Variants in TBX4 observed in about 807,000 individuals in gnomAD.
TBX4 encodes T-box transcription factor 4.
Under a neutral mutation model 54.6 loss-of-function variants are expected in TBX4, and 13 were observed. That is an observed-to-expected ratio of 0.24 (90% confidence interval 0.15 to 0.38). The LOEUF (loss-of-function observed/expected upper bound fraction) is 0.38, where lower values mean the gene tolerates loss of function less well. TBX4 is among the 10% of genes least tolerant of loss of function. The pLI is 1.00. For missense variants in TBX4, 631 were observed against 728.5 expected (o/e 0.87, Z 1.54); for synonymous variants, 314 against 306.7 (o/e 1.02, Z -0.25).
At position 61,456,542 on chromosome 17, in the gene TBX4, GGCCCAGCGCTCGGAGAGGCCA is replaced by G. The variant is rs1456954040; in HGVS notation, c.55_75del (p.Pro19_Ser25del). The G allele has an allele frequency of 1.1e-5, 17 of 1,557,238 alleles. No homozygotes were observed. Among genetic ancestry groups the G allele is most frequent in the Non-Finnish European group, 1.5e-5 (17 of 1,151,162 alleles). ...GAGCGAGGAGGCCTTCCGGGCCCCG[GGCCCAGCGCTCGGAGAGGCCA>G]GCGCAGCCAACGCCCCCGAGCCCGC... On this transcript the variant is annotated inframe_deletion, in exon 2 of 9. Transcript: ENST00000644296.
rs1188207605 is a variant in TBX4 at position 61,476,036 on chromosome 17, G to T, written c.550-2591G>T. 2.0e-5 allele frequency among the ~76,000 whole-genome samples: 3 copies of T among 152,176 alleles called. No individual in the cohort carries two copies. Among genetic ancestry groups the T allele is most frequent in the Admixed American group, 1.3e-4 (2 of 15,278 alleles). On this transcript the variant is annotated intron_variant, in intron 5 of 8. Coordinates refer to ENST00000644296, the MANE Select transcript of TBX4 (RefSeq NM_001321120.2). The surrounding 1 kb of genome is among the most constrained non-coding windows in gnomAD (Gnocchi z 6.5). ...ACGGAGGGTTTGTGGTCGTGGCCCAGATCTTCCCACTCTCAAACCCGACCT... is the reference window on the plus strand; with the variant it reads ...ACGGAGGGTTTGTGGTCGTGGCCCATATCTTCCCACTCTCAAACCCGACCT...
intron 1 of TBX4, chr17:61,452,921 G>T (rs1199662557): frequency 6.1e-6 from 6 of 985,320 alleles, no homozygotes; most frequent in Non-Finnish European, 6.0e-6. Context: ...CTGGAAATTG[G>T]TGTTTGCAGA....
At position 61,462,020 on chromosome 17, in the gene TBX4, C is replaced by T. The variant is rs1019525608; in HGVS notation, c.282-3799C>T. Among the ~76,000 whole-genome samples the T allele has an allele frequency of 6.6e-6, 1 of 152,098 alleles. No individual in the cohort carries two copies. Among genetic ancestry groups the T allele is most frequent in the Non-Finnish European group, 1.5e-5 (1 of 68,020 alleles). On this transcript the variant is annotated intron_variant, in intron 3 of 8. Coordinates refer to ENST00000644296, the MANE Select transcript of TBX4 (RefSeq NM_001321120.2). This position sits in a 1 kb window ranked among gnomAD's most constrained non-coding sequence, Gnocchi z 4.5. ...TGGCCACCGCTTTGGCCGGGGAGCT[C>T]CCGCGGCTCTCGCAGCGCAGCTAGA...
Position 61,456,535 on chromosome 17 carries a change from G to C in TBX4, c.45G>C (p.Arg15=), listed in dbSNP as rs1377078952. ...TGTCCGAGAGCGAGGAGGCCTTCCGGGCCCCGGGCCCAGCGCTCGGAGAGG... is the reference window on the plus strand; with the variant it reads ...TGTCCGAGAGCGAGGAGGCCTTCCGCGCCCCGGGCCCAGCGCTCGGAGAGG... ...KGLSESEEAF[R]APGPALGEAS... Residue 15 remains arginine, a synonymous_variant, in exon 2 of 9, where the codon CGG becomes CGC. Coordinates refer to ENST00000644296, the MANE Select transcript of TBX4 (RefSeq NM_001321120.2). The C allele has an allele frequency of 2.6e-6, 4 of 1,559,626 alleles. No homozygotes were observed. The South Asian group carries it at 3.5e-5, about 14-fold the overall frequency.
rs564100262 is a variant in TBX4 at position 61,480,138 on chromosome 17, C to T, written c.840C>T (p.Ile280=). Residue 280 remains isoleucine, a synonymous_variant, in exon 8 of 9, where the codon ATC becomes ATT. Transcript: ENST00000644296. The surrounding 1 kb of genome is among the most constrained non-coding windows in gnomAD (Gnocchi z 6.2). ...ISKSIMRQRL[I]SPQLSATPDV... ...AAAGCATCATGAGGCAGAGGCTCAT[C>T]TCCCCCCAGCTCTCAGCCACACCGG... 1.2e-6 allele frequency: 2 copies of T among 1,614,140 alleles called. No homozygotes were observed. Among genetic ancestry groups the T allele is most frequent in the South Asian group, 1.1e-5 (1 of 91,076 alleles).
intron 4 of TBX4, 114 bp from the exon 5 acceptor site, chr17:61,467,396 G>A: frequency 8.2e-7 from 1 of 1,223,326 alleles, no homozygotes; most frequent in Non-Finnish European, 1.2e-6. Context: ...AATGTGGTGG[G>A]ACCAGCAGCT....
At chr17:61,453,295 A>T (rs892268977) in intron 1 of TBX4, among the ~76,000 whole-genome samples, 5 of 152,234 alleles carry the variant, frequency 3.3e-5, no homozygotes, top group African/African-American at 1.2e-4. Context: ...AATATAACAT[A>T]TAGTAATAGT....
In TBX4 at chr17:61,480,906, G is replaced by C. The variant is rs2060659054; in HGVS notation, c.1021+587G>C. Among the ~76,000 whole-genome samples, 1 of 152,308 alleles carries C rather than the reference G, an allele frequency of 6.6e-6. No homozygotes were observed. The highest frequency in any genetic ancestry group is 1.9e-4 in the East Asian group (1 of 5,186). On this transcript the variant is annotated intron_variant, in intron 8 of 8. Coordinates refer to ENST00000644296, the MANE Select transcript of TBX4 (RefSeq NM_001321120.2). The surrounding 1 kb of genome is among the most constrained non-coding windows in gnomAD (Gnocchi z 6.2). ...GTAAAGAGGAGGAGCCCGGAGCTGG[G>C]CACCATCACATCTGTGCTCTGTGCC...
In TBX4 at chr17:61,467,630, A is replaced by C; in HGVS notation, c.522A>C (p.Thr174=). ...TCTCCTTCCAGAAGCTGAAGCTGAC[A>C]AACAACCACCTGGACCCCTTTGGCC... ...QLVSFQKLKL[T]NNHLDPFGHI... is the part of the protein sequence containing the mutation. Residue 174 remains threonine (T), a synonymous_variant, in exon 5 of 9, where the codon ACA becomes ACC. Coordinates refer to ENST00000644296, the MANE Select transcript of TBX4 (RefSeq NM_001321120.2). The C allele has an allele frequency of 1.2e-6, 2 of 1,614,198 alleles. No individual in the cohort carries two copies. Among genetic ancestry groups the C allele is most frequent in the East Asian group, 2.2e-5 (1 of 44,890 alleles).
At chr17:61,469,414 G>A (rs892551702) in intron 5 of TBX4, among the ~76,000 whole-genome samples, 6 of 152,206 alleles carry the variant, frequency 3.9e-5, no homozygotes, top group Non-Finnish European at 7.3e-5. Flanking sequence ...TGCATCTGCC[G>A]TGCCTGCCTG....
At position 61,469,959 on chromosome 17, in the gene TBX4, A is replaced by G. The variant is rs376222358; in HGVS notation, c.549+2302A>G. 6.6e-5 allele frequency among the ~76,000 whole-genome samples: 10 copies of G among 152,296 alleles called. No homozygotes were observed. The East Asian group carries it at 1.4e-3, about 21-fold the overall frequency. Reference sequence around the variant, plus strand: ...TTTTCAGCTTGCCCTGAAAGCTTCCAGGCCTCAAGGGACTTTCTCCAGCCA... The same window carrying G: ...TTTTCAGCTTGCCCTGAAAGCTTCCGGGCCTCAAGGGACTTTCTCCAGCCA... On this transcript the variant is annotated intron_variant, in intron 5 of 8. Coordinates refer to ENST00000644296, the MANE Select transcript of TBX4 (RefSeq NM_001321120.2).
Position 61,457,677 on chromosome 17 carries a change from G to GGGGGGCCA in TBX4, c.281+50_281+57dup, listed in dbSNP as rs1262999508. ...TTCCGGGGATGGCGGTGGGGAGCAA[G>GGGGGGCCA]GGGGGCCAGGGAGGTCCCTTAGAAG... On this transcript the variant is annotated intron_variant, in intron 3 of 8. Coordinates refer to ENST00000644296, the MANE Select transcript of TBX4 (RefSeq NM_001321120.2). The surrounding 1 kb of genome is among the most constrained non-coding windows in gnomAD (Gnocchi z 8.2). The GGGGGGCCA allele has an allele frequency of 6.3e-7, 1 of 1,582,088 alleles. No individual in the cohort carries two copies. Among genetic ancestry groups the GGGGGGCCA allele is most frequent in the African/African-American group, 1.3e-5 (1 of 74,194 alleles).
intron 1 of TBX4, chr17:61,452,867 C>CGCCA: frequency 1.1e-6 from 1 of 947,760 alleles, no homozygotes; most frequent in Non-Finnish European, 1.3e-6. Flanking sequence ...ATATCGACAG[C>CGCCA]GCCAGCACCC....
At chr17:61,467,689 C>CA in intron 5 of TBX4, 32 bp downstream of exon 5, 4 of 1,613,688 alleles carry the variant, frequency 2.5e-6, no homozygotes, top group Non-Finnish European at 3.4e-6. Flanking sequence ...CCCCAGGAGG[C>CA]AAGTCTGGGG....
intron 2 of TBX4, 51 bp downstream of exon 2, chr17:61,456,727 G>A: frequency 7.6e-7 from 1 of 1,307,514 alleles, no homozygotes; most frequent in East Asian, 3.2e-5. Context: ...TCTGTCTGCG[G>A]GGCCGCCTGT....
chr17:61,454,729 C>T (rs2060434758), intron 1 of TBX4, among the ~76,000 whole-genome samples: 1 of 152,238 alleles, frequency 6.6e-6, no homozygotes, highest in African/African-American at 2.4e-5. Flanking sequence ...CAGGGCAGGG[C>T]TGAGCGCGTA....
intron 4 of TBX4, 149 bp from the exon 5 acceptor site, chr17:61,467,361 C>A: frequency 1.2e-6 from 1 of 859,048 alleles, no homozygotes; most frequent in Non-Finnish European, 1.9e-6. Flanking sequence ...ACCTCACACT[C>A]CTACCCTTGA....
rs1272900843 is a variant in TBX4 at position 61,457,079 on chromosome 17, G to GCC, written c.186+404_186+405dup. On this transcript the variant is annotated intron_variant, in intron 2 of 8. Coordinates refer to ENST00000644296, the MANE Select transcript of TBX4 (RefSeq NM_001321120.2). This position sits in a 1 kb window ranked among gnomAD's most constrained non-coding sequence, Gnocchi z 8.2. ...ACGGGAGCCGCTGCGGGGATCCGAG[G>GCC]CCTCTGGGACGTCGCCGAGGGCTTC... Among the ~76,000 whole-genome samples the GCC allele has an allele frequency of 6.6e-6, 1 of 152,206 alleles. No individual in the cohort carries two copies.
At position 61,452,440 on chromosome 17, in the gene TBX4, GC is replaced by G. The variant is rs2060421321; in HGVS notation, c.-137del. The G allele has an allele frequency of 6.6e-6, 1 of 152,346 alleles. No homozygotes were observed. The highest frequency in any genetic ancestry group is 1.5e-5 in the Non-Finnish European group (1 of 68,124). The allele number at this position is 152,346 out of a possible 1,614,324, so 9.4% of individuals were successfully genotyped here. On this transcript the variant is annotated 5_prime_UTR_variant, in exon 1 of 9. The change abolishes the stop of an existing upstream ORF in the 5' untranslated region. Transcript: ENST00000644296. The stretch of plus-strand genomic sequence containing the variant: ...CCGCTCCAGAGCCGGGATGTGTCCA[GC>G]CCCGAGGGCACGGCAGGCAGCTGGA...
Sources: allele counts gnomAD v4.1 joint callset (sites outside exome capture counted in the v4.1 genomes callset), GRCh38; gene constraint gnomAD v4.1.1; non-coding constraint Gnocchi (gnomAD v3.1); transcripts MANE v1.5; gene names NCBI Gene and HGNC (gene_info 2026-07-23, HGNC 2026-07-21).